Variants in RALGPS1 observed in about 807,000 individuals in gnomAD.
The protein encoded by RALGPS1 is Ral GEF with PH domain and SH3 binding motif 1.
RALGPS1 carries 19 observed loss-of-function variants against 78.8 expected under a neutral mutation model. The observed-to-expected ratio is 0.24, with a 90% confidence interval of 0.17 to 0.35. The LOEUF (loss-of-function observed/expected upper bound fraction) is 0.35, where lower values mean the gene tolerates loss of function less well. RALGPS1 is among the 10% of genes least tolerant of loss of function. The pLI is 1.00. For missense variants in RALGPS1, 454 were observed against 688.3 expected, an observed-to-expected ratio of 0.66 and a Z score of 3.81; for synonymous variants, 228 against 256.3, an observed-to-expected ratio of 0.89 and a Z score of 1.06.
In RALGPS1 at chr9:126,928,593, C is replaced by CT. The variant is rs942644817; in HGVS notation, c.-66+13629dup. ...TGCACAAATACTACCAGTGAGGATA[C>CT]TTTTTTTTTTTATTTTTATTTTTTG... On this transcript the variant is annotated intron_variant, in intron 1 of 18. Transcript: ENST00000259351. 9.1e-4 allele frequency among the ~76,000 whole-genome samples: 134 copies of CT among 147,700 alleles called. 1 individual carries two copies. Among genetic ancestry groups the CT allele is most frequent in the Middle Eastern group, 3.5e-3 (1 of 288 alleles).
chr9:127,021,983 T>C (rs1466152405), intron 4 of RALGPS1, among the ~76,000 whole-genome samples: 2 of 152,116 alleles, frequency 1.3e-5, no homozygotes, highest in Non-Finnish European at 2.9e-5. Flanking sequence ...CCTAAGTCTG[T>C]ATGTTTTCCA....
At chr9:127,094,955 C>T (rs2052938673) in intron 8 of RALGPS1, among the ~76,000 whole-genome samples, 1 of 152,190 alleles carries the variant, frequency 6.6e-6, no homozygotes, top group Non-Finnish European at 1.5e-5. Context: ...GTCACATCAG[C>T]AAGAAGGTAC....
In RALGPS1 at chr9:127,093,598, T is replaced by A. The variant is rs1248072668; in HGVS notation, c.610+24242T>A. 14 of 1,070,708 alleles carry A rather than the reference T, an allele frequency of 1.3e-5. No homozygotes were observed. The East Asian group carries it at 1.7e-4, about 13-fold the overall frequency. The allele number at this position is 1,070,708 out of a possible 1,614,324, so 66.3% of individuals were successfully genotyped here. On this transcript the variant is annotated intron_variant, in intron 8 of 18. Transcript: ENST00000259351. ...GCATCCTTCTCGCCTCAGGTATATG[T>A]GTTGTTGGGGCCGCACAGGCCTGGG...
At chr9:127,185,513 G>A (rs4837133) in intron 11 of RALGPS1, among the ~76,000 whole-genome samples, 121 of 152,342 alleles carry the variant, frequency 7.9e-4, no homozygotes, top group Admixed American at 2.0e-3. Flanking sequence ...TCCTAAAAGT[G>A]AGATAGCAAC....
intron 4 of RALGPS1, among the ~76,000 whole-genome samples, chr9:126,994,565 G>C (rs2042565878): frequency 6.6e-6 from 1 of 152,326 alleles, no homozygotes; most frequent in African/African-American, 2.4e-5. Flanking sequence ...TGGTGTACCT[G>C]AAAGTGACGG....
Position 127,169,158 on chromosome 9 carries a change from C to G in RALGPS1, c.842+386C>G, listed in dbSNP as rs1285525440. Among the ~76,000 whole-genome samples, 4 of 152,208 alleles carry G rather than the reference C, an allele frequency of 2.6e-5. No individual in the cohort carries two copies. The East Asian group carries it at 5.8e-4, about 22-fold the overall frequency. ...TGCTCTGGTTCTCACAAGTGACTCCCCCACCCACAGTGCTGGGTGGCAAGG... is the reference window on the plus strand; with the variant it reads ...TGCTCTGGTTCTCACAAGTGACTCCGCCACCCACAGTGCTGGGTGGCAAGG... On this transcript the variant is annotated intron_variant, in intron 10 of 18. Coordinates refer to ENST00000259351, the MANE Select transcript of RALGPS1 (RefSeq NM_014636.3).
At chr9:127,209,137 A>C (rs1012634198) in intron 14 of RALGPS1, among the ~76,000 whole-genome samples, 7 of 152,238 alleles carry the variant, frequency 4.6e-5, no homozygotes, top group Admixed American at 4.6e-4. Context: ...ACTGCAAGAA[A>C]GTCCATTGTC....
chr9:126,942,305 A>G (rs371689110), intron 1 of RALGPS1, among the ~76,000 whole-genome samples: 5 of 151,728 alleles, frequency 3.3e-5, no homozygotes, highest in East Asian at 1.9e-4. Context: ...TTTTACCTCC[A>G]AATTATTTTA....
At chr9:126,934,435 G>T (rs368770503) in intron 1 of RALGPS1, among the ~76,000 whole-genome samples, 1 of 152,188 alleles carries the variant, frequency 6.6e-6, no homozygotes, top group East Asian at 1.9e-4. Flanking sequence ...TTGAGTAGGC[G>T]GTCATGCCGT....
chr9:127,085,115 T>C (rs1274197371), intron 8 of RALGPS1, among the ~76,000 whole-genome samples: 1 of 151,882 alleles, frequency 6.6e-6, no homozygotes, highest in East Asian at 1.9e-4. Flanking sequence ...GGGGAGGGGG[T>C]CTTTTTCAGT....
At chr9:126,956,648 A>G (rs907928089) in intron 1 of RALGPS1, among the ~76,000 whole-genome samples, 7 of 152,220 alleles carry the variant, frequency 4.6e-5, no homozygotes, top group Admixed American at 1.3e-4. Context: ...GGACTCAGCT[A>G]TGCTCCCTGG....
chr9:127,004,004 T>C (rs1321364611), intron 4 of RALGPS1, among the ~76,000 whole-genome samples: 1 of 152,276 alleles, frequency 6.6e-6, no homozygotes, highest in Non-Finnish European at 1.5e-5. Context: ...CTTTGGTTGC[T>C]CTGTCTCTTT....
intron 14 of RALGPS1, among the ~76,000 whole-genome samples, chr9:127,202,306 C>T (rs976729077): frequency 7.9e-5 from 12 of 152,108 alleles, no homozygotes; most frequent in East Asian, 5.8e-4. Context: ...TCTGCATGCC[C>T]GTCTGGTGAA....
intron 5 of RALGPS1, among the ~76,000 whole-genome samples, chr9:127,043,822 G>A (rs984691682): frequency 6.6e-6 from 1 of 152,122 alleles, no homozygotes; most frequent in African/African-American, 2.4e-5. Context: ...ATATGCAGAT[G>A]GCAAATAAAC....
At chr9:127,011,850 C>T (rs1215304455) in intron 4 of RALGPS1, among the ~76,000 whole-genome samples, 1 of 152,178 alleles carries the variant, frequency 6.6e-6, no homozygotes, top group Non-Finnish European at 1.5e-5. Flanking sequence ...TCCTGGCAGC[C>T]CCTGCCTGCC....
chr9:127,120,767 G>T (rs2055979932), intron 8 of RALGPS1, among the ~76,000 whole-genome samples: 1 of 151,870 alleles, frequency 6.6e-6, no homozygotes, highest in Non-Finnish European at 1.5e-5. Flanking sequence ...GGCGGAGTTT[G>T]CAGTGAGCCG....
Position 127,212,621 on chromosome 9 carries a change from CTG to C in RALGPS1, c.1354-4_1354-3del. 6.2e-7 allele frequency: 1 copy of C among 1,602,958 alleles called. No individual in the cohort carries two copies. Among genetic ancestry groups the C allele is most frequent in the East Asian group, 2.2e-5 (1 of 44,816 alleles). ...TGGCATCACTCAGCCTCCCCTTCCT[CTG>C]TAGCTGTCCTCGTGGACCAGGTACT... On this transcript the variant is annotated splice_polypyrimidine_tract_variant and splice_region_variant and intron_variant, in intron 15 of 18. Coordinates refer to ENST00000259351, the MANE Select transcript of RALGPS1 (RefSeq NM_014636.3). The surrounding 1 kb of genome is among the most constrained non-coding windows in gnomAD (Gnocchi z 6.0).
intron 7 of RALGPS1, among the ~76,000 whole-genome samples, chr9:127,059,714 G>A (rs1323682901): frequency 1.3e-5 from 2 of 151,926 alleles, no homozygotes; most frequent in Non-Finnish European, 2.9e-5. Context: ...CTAGAACCCT[G>A]TTCCAGCTGT....
chr9:127,088,791 G>A lies in RALGPS1; in HGVS notation c.610+19435G>A, dbSNP rs549546469. 6.1e-5 allele frequency: 53 copies of A among 867,756 alleles called. 1 individual carries two copies. The Admixed American group carries it at 1.0e-3, about 17-fold the overall frequency. The allele number at this position is 867,756 out of a possible 1,614,324, so 53.8% of individuals were successfully genotyped here. ...CCGTATCGATTCAGTTCCATCATCC[G>A]CTGCAGTGACTTCGGAAAACAGAAT... On this transcript the variant is annotated intron_variant, in intron 8 of 18. Transcript: ENST00000259351.
Sources: gnomAD v4.1 joint callset for allele counts (sites outside exome capture counted in the v4.1 genomes callset) on GRCh38, gnomAD v4.1.1 for gene constraint, Gnocchi (gnomAD v3.1) non-coding constraint, MANE v1.5 for transcripts, NCBI Gene and HGNC (gene_info 2026-07-23, HGNC 2026-07-21) for gene names.